Variants in IL17RE observed in about 807,000 individuals in gnomAD.
IL17RE encodes interleukin 17 receptor E.
A neutral mutation model predicts 70.7 loss-of-function variants in IL17RE; 47 were observed. The ratio of observed to expected loss-of-function variants is 0.67; its 90% CI spans 0.53 to 0.85. The LOEUF is 0.85. IL17RE is among the 40% of genes least tolerant of loss of function. The pLI is 0.00. For synonymous variants in IL17RE, 372 were observed against 381.2 expected (o/e 0.98, Z 0.28); for missense variants, 850 against 893.9 (o/e 0.95, Z 0.63).
At position 9,911,310 on chromosome 3, in the gene IL17RE, T is replaced by A. The variant is rs762847789; in HGVS notation, c.1072+10T>A. The A allele has an allele frequency of 6.2e-7, 1 of 1,614,124 alleles. No individual in the cohort carries two copies. Among genetic ancestry groups the A allele is most frequent in the Non-Finnish European group, 8.5e-7 (1 of 1,179,998 alleles). On this transcript the variant is annotated intron_variant, in intron 11 of 15. Transcript: ENST00000383814. ...TGCCCCCACCAGACTGGTGAGTCAA[T>A]AAGTGACCTCTGCTGGGACCCCCTG...
chr3:9,914,970 C>T (rs932461910), intron 15 of IL17RE, among the ~76,000 whole-genome samples, 193 bp downstream of exon 15: 1 of 152,226 alleles, frequency 6.6e-6, no homozygotes, highest in Non-Finnish European at 1.5e-5. Context: ...TGTCACTGTA[C>T]TGAGTCTCTG....
intron 3 of IL17RE, among the ~76,000 whole-genome samples, 174 bp from the exon 4 acceptor site, chr3:9,906,190 A>C (rs1326414044): frequency 6.6e-6 from 1 of 152,208 alleles, no homozygotes; most frequent in East Asian, 1.9e-4. Context: ...TGGAGGCTGC[A>C]GTGAGCCGAG....
At chr3:9,905,477 G>A (rs1487598234) in intron 3 of IL17RE, among the ~76,000 whole-genome samples, 1 of 151,202 alleles carries the variant, frequency 6.6e-6, no homozygotes, top group East Asian at 2.0e-4. Context: ...AGGAAGGAAG[G>A]AACGAAGGAA....
chr3:9,912,753 C>T (rs1364989621), intron 12 of IL17RE, among the ~76,000 whole-genome samples: 1 of 152,236 alleles, frequency 6.6e-6, no homozygotes, highest in Non-Finnish European at 1.5e-5. Context: ...CAGTGTCTCA[C>T]ACTTGTAGTC....
Position 9,911,524 on chromosome 3 carries a change from C to A in IL17RE, c.1154C>A (p.Thr385Asn). ...ILHFSSRMHATFSAAWSLPGL... is the reference protein window; with the variant it reads ...ILHFSSRMHANFSAAWSLPGL... Reference sequence around the variant, plus strand: ...CACTTCTCCTCAAGAATGCATGCCACCTTCAGTGCTGCCTGGAGCCTCCCA... The same window carrying A: ...CACTTCTCCTCAAGAATGCATGCCAACTTCAGTGCTGCCTGGAGCCTCCCA... Residue 385 changes from threonine to asparagine, a missense_variant, in exon 12 of 16, where the codon ACC becomes AAC. Thr to Asn is a moderately conservative substitution (Grantham distance 65, BLOSUM62 0). Transcript: ENST00000383814. 1 of 1,614,176 alleles carries A rather than the reference C, an allele frequency of 6.2e-7. No homozygotes were observed. The highest frequency in any genetic ancestry group is 8.5e-7 in the Non-Finnish European group (1 of 1,180,024).
intron 6 of IL17RE, 73 bp from the exon 7 acceptor site, chr3:9,908,166 T>G: frequency 8.0e-7 from 1 of 1,255,346 alleles, no homozygotes; most frequent in African/African-American, 1.5e-5. Flanking sequence ...ATCCCAGCAC[T>G]GTTCTGCCCT....
chr3:9,903,906 C>G, intron 2 of IL17RE, 126 bp from the exon 3 acceptor site: 2 of 1,139,902 alleles, frequency 1.8e-6, no homozygotes, highest in Non-Finnish European at 2.6e-6. Flanking sequence ...GATCCTTAGA[C>G]AGGTCCTGTA....
At position 9,904,066 on chromosome 3, in the gene IL17RE, G is replaced by T; in HGVS notation, c.183G>T (p.Trp61Cys). ...SSAYIPCRTW[W>C]ALFSTKPWCV... ...CCTATATCCCTTGCCGCACCTGGTGGGCCCTCTTCTCCACAAAGCCTTGGT... is the reference window on the plus strand; with the variant it reads ...CCTATATCCCTTGCCGCACCTGGTGTGCCCTCTTCTCCACAAAGCCTTGGT... The change falls in exon 3 of 16, where the codon TGG (tryptophan) becomes TGT (cysteine). Residue 61 changes from tryptophan to cysteine, a missense_variant. By Grantham distance (215) the Trp-to-Cys change is radical. Coordinates refer to ENST00000383814, the MANE Select transcript of IL17RE (RefSeq NM_153480.2). The T allele has an allele frequency of 1.2e-6, 2 of 1,614,108 alleles. No individual in the cohort carries two copies. Among genetic ancestry groups the T allele is most frequent in the Non-Finnish European group, 1.7e-6 (2 of 1,180,026 alleles).
At chr3:9,906,495 GC>G (rs766782784) in intron 4 of IL17RE, 34 bp downstream of exon 4, 59 of 1,502,408 alleles carry the variant, frequency 3.9e-5, no homozygotes, top group South Asian at 3.7e-4. Flanking sequence ...CCTACCTGAC[GC>G]CCCACAGACC....
Position 9,916,014 on chromosome 3 carries a change from G to A in IL17RE, c.*207G>A. 1.1e-6 allele frequency: 1 copy of A among 876,954 alleles called. No homozygotes were observed. The highest frequency in any genetic ancestry group is 1.6e-6 in the Non-Finnish European group (1 of 636,928). The allele number at this position is 876,954 out of a possible 1,614,324, so 54.3% of individuals were successfully genotyped here. A position where few individuals can be genotyped will look rare whatever the true frequency, so the allele number is the denominator to read the frequency against. On this transcript the variant is annotated 3_prime_UTR_variant, in exon 16 of 16. Transcript: ENST00000383814. ...CCTCCTCATACTTTCCCTTGACTGA[G>A]AGCTCCTCTAACCCCTGTTCTGATG...
chr3:9,907,387 AAATT>A (rs1160828991), intron 6 of IL17RE, among the ~76,000 whole-genome samples: 3 of 150,496 alleles, frequency 2.0e-5, no homozygotes, highest in East Asian at 3.9e-4. Context: ...ATAAATAAAT[AAATT>A]AATTAATTAA....
In IL17RE at chr3:9,906,554, A is replaced by T. The variant is rs1179171450; in HGVS notation, c.366+93A>T. 3.7e-6 allele frequency: 5 copies of T among 1,365,896 alleles called. No individual in the cohort carries two copies. In the African/African-American group the frequency reaches 5.7e-5, roughly 16 times the overall value. The allele number at this position is 1,365,896 out of a possible 1,614,324, so 84.6% of individuals were successfully genotyped here. A position where few individuals can be genotyped will look rare whatever the true frequency, so the allele number is the denominator to read the frequency against. ...GGTTCTCCAGCCATGTGAGACAGAA[A>T]GTGTGGAGATGAAGTATTCTGTCTA... is the stretch of plus-strand genomic sequence containing the variant. On this transcript the variant is annotated intron_variant, in intron 4 of 15. Transcript: ENST00000383814.
Position 9,907,037 on chromosome 3 carries a change from C to T in IL17RE, c.603C>T (p.Ser201=), listed in dbSNP as rs80297306. 6.5e-5 allele frequency: 105 copies of T among 1,614,138 alleles called. 1 individual carries two copies. The highest frequency in any genetic ancestry group is 5.6e-4 in the African/African-American group (42 of 75,026). ...RVTISSGPEV[S]VRLCHQWALE... Reference sequence around the variant, plus strand: ...CCATATCTTCAGGCCCTGAGGTCAGCGTGCGTCTTTGTCACCAGTGGGCAC... The same window carrying T: ...CCATATCTTCAGGCCCTGAGGTCAGTGTGCGTCTTTGTCACCAGTGGGCAC... The change falls in exon 6 of 16, where the codon AGC becomes AGT. Residue 201 remains serine, a synonymous_variant. Coordinates refer to ENST00000383814, the MANE Select transcript of IL17RE (RefSeq NM_153480.2).
rs1289832810 is a variant in IL17RE, at chr3:9,915,288, G to C, written c.1485G>C (p.Ala495=). 7 of 1,404,764 alleles carry C rather than the reference G, an allele frequency of 5.0e-6. No homozygotes were observed. Among genetic ancestry groups the C allele is most frequent in the Non-Finnish European group, 6.4e-6 (7 of 1,087,128 alleles). The allele number at this position is 1,404,764 out of a possible 1,614,324, so 87.0% of individuals were successfully genotyped here. Residue 495 remains alanine, a synonymous_variant, in exon 16 of 16, where the codon GCG becomes GCC. Coordinates refer to ENST00000383814, the MANE Select transcript of IL17RE (RefSeq NM_153480.2). This position sits in a 1 kb window ranked among gnomAD's most constrained non-coding sequence, Gnocchi z 4.9. ...CGCGGCCAGTGCTCCTCCTGCACGC[G>C]GCGGACTCGGAGGCGCAGCGGCGCC... ...GPARPVLLLH[A]ADSEAQRRLV... is the part of the protein sequence containing the mutation.
chr3:9,913,133 A>T (rs1353310426), intron 12 of IL17RE, among the ~76,000 whole-genome samples: 2 of 152,200 alleles, frequency 1.3e-5, no homozygotes, highest in African/African-American at 2.4e-5. Flanking sequence ...GGCCAGGCGC[A>T]GTGGCTCACG....
rs1470989928 is a variant in IL17RE at position 9,915,620 on chromosome 3, CGCTGCGCGCCCTGCCGCGCTACCGCCT to C, written c.1826_1852del (p.Ala609_Arg617del). ...TGCGCCAAGGGCGACATCCCCCCGCCGCTGCGCGCCCTGCCGCGCTACCGCCTGCTGCGCGACCTGCCGCGTCTGCTG... is the reference window on the plus strand; with the variant it reads ...TGCGCCAAGGGCGACATCCCCCCGCCGCTGCGCGACCTGCCGCGTCTGCTG... On this transcript the variant is annotated inframe_deletion, in exon 16 of 16. Transcript: ENST00000383814. This position sits in a 1 kb window ranked among gnomAD's most constrained non-coding sequence, Gnocchi z 4.9. 28 of 1,413,540 alleles carry C rather than the reference CGCTGCGCGCCCTGCCGCGCTACCGCCT, an allele frequency of 2.0e-5. No homozygotes were observed. Among genetic ancestry groups the C allele is most frequent in the Admixed American group, 6.0e-5 (2 of 33,106 alleles). The allele number at this position is 1,413,540 out of a possible 1,614,324, so 87.6% of individuals were successfully genotyped here.
At chr3:9,904,270 A>T (rs1261175046) in intron 3 of IL17RE, 119 bp downstream of exon 3, 2 of 1,155,294 alleles carry the variant, frequency 1.7e-6, no homozygotes, top group Non-Finnish European at 1.2e-6. Context: ...CTCAACTGGG[A>T]CTTGGATTAT....
chr3:9,902,831 G>C (rs575577926), upstream of IL17RE: 1 of 1,597,178 alleles, frequency 6.3e-7, no homozygotes, highest in Non-Finnish European at 8.5e-7. Flanking sequence ...GCTGGGGCGA[G>C]GGCTCCTGCT....
chr3:9,907,729 C>T (rs1350795325), intron 6 of IL17RE, among the ~76,000 whole-genome samples: 1 of 152,158 alleles, frequency 6.6e-6, no homozygotes, highest in African/African-American at 2.4e-5. Flanking sequence ...GGTACCCTTC[C>T]ATCTCCCTCC....
Sources: allele counts gnomAD v4.1 joint callset (sites outside exome capture counted in the v4.1 genomes callset), GRCh38; gene constraint gnomAD v4.1.1; non-coding constraint Gnocchi (gnomAD v3.1); transcripts MANE v1.5; gene names NCBI Gene and HGNC (gene_info 2026-07-23, HGNC 2026-07-21).